The following ADAM22 variants were observed in gnomAD, a reference collection of about 807,000 sequenced individuals.
The protein encoded by ADAM22 is disintegrin and metalloproteinase domain-containing protein 22.
ADAM22 carries 65 observed loss-of-function variants against 144.6 expected under a neutral mutation model. The observed-to-expected ratio is 0.45, with a 90% CI of 0.37 to 0.55. ADAM22 has a LOEUF of 0.55. Ranked by LOEUF, ADAM22 falls within the 20% of genes least tolerant of loss-of-function variation. The probability of loss-of-function intolerance (pLI) is 0.00; values close to 1 mark genes in which losing one functional copy is unlikely to be tolerated. For synonymous variants in ADAM22, 391 were observed against 412.6 expected (o/e 0.95, Z 0.63); for missense variants, 974 against 1,184.9 (o/e 0.82, Z 2.61).
rs1796288323 is a variant in ADAM22, at chr7:88,015,170, C to T, written c.323+36758C>T. ...GTTCTGAAGAAGACAATGAAAAGAA[C>T]TTTAACAACCATTTAAGAAGCAGTT... is the stretch of plus-strand genomic sequence containing the variant. On this transcript the variant is annotated intron_variant, in intron 3 of 31. Coordinates refer to ENST00000413139, the MANE Select transcript of ADAM22 (RefSeq NM_001324418.2). Among the ~76,000 whole-genome samples, 8 of 152,102 alleles carry T rather than the reference C, an allele frequency of 5.3e-5. No individual in the cohort carries two copies. The South Asian group carries it at 1.7e-3, about 32-fold the overall frequency.
At chr7:87,985,346 A>G (rs1255004068) in intron 3 of ADAM22, among the ~76,000 whole-genome samples, 2 of 152,084 alleles carry the variant, frequency 1.3e-5, no homozygotes, top group Non-Finnish European at 2.9e-5. Context: ...TATATTTCAT[A>G]AAAGTCACCC....
intron 4 of ADAM22, among the ~76,000 whole-genome samples, chr7:88,089,504 C>T (rs1819291854): frequency 6.6e-6 from 1 of 152,058 alleles, no homozygotes; most frequent in Admixed American, 6.6e-5. Flanking sequence ...CTCTCATTTT[C>T]ATTTTTCTTT....
chr7:88,182,042 A>G lies in ADAM22; in HGVS notation c.2663+18A>G, dbSNP rs41278770. ...TCAACTGAGTAAGTCTGAACCTCTA[A>G]TGGAAAAAGGCACTCCAAGGTCCTG... On this transcript the variant is annotated intron_variant, in intron 29 of 31. Coordinates refer to ENST00000413139, the MANE Select transcript of ADAM22 (RefSeq NM_001324418.2). 3.6e-3 allele frequency: 5,770 copies of G among 1,609,240 alleles called. 16 individuals are homozygous for G. Among genetic ancestry groups the G allele is most frequent in the Admixed American group, 4.3e-3 (253 of 59,232 alleles).
chr7:87,973,009 A>T lies in ADAM22; in HGVS notation c.247-5327A>T, dbSNP rs531632820. 5.3e-5 allele frequency among the ~76,000 whole-genome samples: 8 copies of T among 152,306 alleles called. No homozygotes were observed. The South Asian group carries it at 8.3e-4, about 16-fold the overall frequency. ...AACTCCCTAGAAGAAAACCTAGGCA[A>T]TACCATTCAGGACATAGGCACGGGC... On this transcript the variant is annotated intron_variant, in intron 2 of 31. Coordinates refer to ENST00000413139, the MANE Select transcript of ADAM22 (RefSeq NM_001324418.2).
At chr7:88,154,524 T>C (rs1042232018) in intron 21 of ADAM22, among the ~76,000 whole-genome samples, 1 of 152,188 alleles carries the variant, frequency 6.6e-6, no homozygotes, top group Non-Finnish European at 1.5e-5. Context: ...AAATAAATTA[T>C]CTCTCTCTTC....
chr7:88,101,732 G>A (rs915263468), intron 4 of ADAM22, among the ~76,000 whole-genome samples: 1 of 152,172 alleles, frequency 6.6e-6, no homozygotes, highest in African/African-American at 2.4e-5. Flanking sequence ...TATCAGGAAG[G>A]GTCAGCTCAG....
chr7:88,160,875 A>G (rs908504388), intron 22 of ADAM22, among the ~76,000 whole-genome samples: 6 of 152,132 alleles, frequency 3.9e-5, no homozygotes, highest in Admixed American at 2.6e-4. Context: ...ACAAAAACCA[A>G]ACACCGTGTG....
chr7:88,065,907 G>C (rs1310858401), intron 3 of ADAM22, among the ~76,000 whole-genome samples: 1 of 151,992 alleles, frequency 6.6e-6, no homozygotes, highest in Non-Finnish European at 1.5e-5. Flanking sequence ...AAAACTCTAT[G>C]CTCACAGCCT....
chr7:88,067,073 A>G (rs1484141113), intron 3 of ADAM22, among the ~76,000 whole-genome samples: 1 of 152,110 alleles, frequency 6.6e-6, no homozygotes, highest in East Asian at 1.9e-4. Context: ...AAGTCTAAGT[A>G]AATTTTGAAG....
At chr7:88,065,864 G>A (rs958711438) in intron 3 of ADAM22, among the ~76,000 whole-genome samples, 3 of 152,050 alleles carry the variant, frequency 2.0e-5, no homozygotes, top group African/African-American at 7.2e-5. Flanking sequence ...CACTTAATAT[G>A]TATTGTCAAA....
rs181862036 is a variant in ADAM22, at chr7:87,934,436, T to A, written c.-30T>A. The A allele has an allele frequency of 1.4e-3, 2,257 of 1,573,660 alleles. 31 individuals carry two copies. In the African/African-American group the frequency reaches 0.027, roughly 19 times the overall value. Reference sequence around the variant, plus strand: ...CGGCGCCGGCATGAGGAGCTGAGCGTCTCGGGCGAGGCGGGCTGACGGCAG... The same window carrying A: ...CGGCGCCGGCATGAGGAGCTGAGCGACTCGGGCGAGGCGGGCTGACGGCAG... On this transcript the variant is annotated 5_prime_UTR_variant, in exon 1 of 32. Transcript: ENST00000413139.
intron 26 of ADAM22, among the ~76,000 whole-genome samples, chr7:88,175,592 A>G (rs1313924744): frequency 6.6e-6 from 1 of 152,216 alleles, no homozygotes; most frequent in Admixed American, 6.5e-5. Flanking sequence ...AAAATCATAC[A>G]TGTCTAAAAT....
chr7:87,977,586 A>G (rs1460700162), intron 2 of ADAM22, among the ~76,000 whole-genome samples: 1 of 152,190 alleles, frequency 6.6e-6, no homozygotes, highest in Non-Finnish European at 1.5e-5. Flanking sequence ...GTCGAATGGA[A>G]CACACAGTTT....
At chr7:87,937,018 C>T (rs1024454277) in intron 2 of ADAM22, among the ~76,000 whole-genome samples, 16 of 152,248 alleles carry the variant, frequency 1.1e-4, no homozygotes, top group East Asian at 5.8e-4. Context: ...TGCAGTAGCA[C>T]GATTATGGCT....
In ADAM22 at chr7:88,116,830, A is replaced by G; in HGVS notation, c.607+16A>G. Reference sequence around the variant, plus strand: ...CTTCCATCTGGTATGATGTTCATATAGTGACTTTTTATCTAAAAGACAACT... The same window carrying G: ...CTTCCATCTGGTATGATGTTCATATGGTGACTTTTTATCTAAAAGACAACT... On this transcript the variant is annotated intron_variant, in intron 7 of 31. Transcript: ENST00000413139. The G allele has an allele frequency of 6.3e-7, 1 of 1,588,888 alleles. No homozygotes were observed. The highest frequency in any genetic ancestry group is 8.6e-7 in the Non-Finnish European group (1 of 1,158,052).
At chr7:88,019,094 A>G (rs1474795834) in intron 3 of ADAM22, among the ~76,000 whole-genome samples, 1 of 152,218 alleles carries the variant, frequency 6.6e-6, no homozygotes, top group Non-Finnish European at 1.5e-5. Flanking sequence ...TTTAGCTTCA[A>G]AACTATTCCT....
chr7:88,126,616 C>G (rs560201152), intron 8 of ADAM22, among the ~76,000 whole-genome samples: 1 of 151,930 alleles, frequency 6.6e-6, no homozygotes, highest in Non-Finnish European at 1.5e-5. Context: ...TATCCCTTTT[C>G]CAAAATGCTT....
intron 2 of ADAM22, among the ~76,000 whole-genome samples, chr7:87,967,447 G>T (rs1849392382): frequency 6.6e-6 from 1 of 151,920 alleles, no homozygotes; most frequent in African/African-American, 2.4e-5. Flanking sequence ...ATGTAGTAAG[G>T]TCCTGTCTCA....
chr7:87,985,273 A>T (rs910462011), intron 3 of ADAM22, among the ~76,000 whole-genome samples: 1 of 151,520 alleles, frequency 6.6e-6, no homozygotes, highest in Non-Finnish European at 1.5e-5. Context: ...AGATCGCACC[A>T]CTGCACTTCA....
Sources: allele counts gnomAD v4.1 joint callset (sites outside exome capture counted in the v4.1 genomes callset), GRCh38; gene constraint gnomAD v4.1.1; transcripts MANE v1.5; gene names NCBI Gene and HGNC (gene_info 2026-07-23, HGNC 2026-07-21).